The following TMEM131 variants were observed in gnomAD, a reference collection of about 807,000 sequenced individuals.
TMEM131 encodes 2610524E03Rik.
Under a neutral mutation model 211.6 loss-of-function variants are expected in TMEM131, and 66 were observed. The ratio of observed to expected loss-of-function variants is 0.31; its 90% CI spans 0.26 to 0.38. The LOEUF is 0.38. Ranked by LOEUF, TMEM131 falls within the 10% of genes least tolerant of loss-of-function variation. TMEM131 has a pLI of 1.00. For synonymous variants in TMEM131, 844 were observed against 841.3 expected (o/e 1.00, Z -0.06); for missense variants, 2,036 against 2,299.3 (o/e 0.89, Z 2.34).
intron 11 of TMEM131, among the ~76,000 whole-genome samples, chr2:97,832,286 CTATAA>C (rs550309059): frequency 1.3e-4 from 20 of 152,282 alleles, no homozygotes; most frequent in South Asian, 4.1e-4. Context: ...TTTCATTTTC[CTATAA>C]TATGTTTATT....
At chr2:97,898,716 G>C (rs2104322706) in intron 3 of TMEM131, among the ~76,000 whole-genome samples, 2 of 152,246 alleles carry the variant, frequency 1.3e-5, no homozygotes, top group East Asian at 3.9e-4. Flanking sequence ...TGTTATGGCA[G>C]TCTAGCCCAA....
Position 97,885,411 on chromosome 2 carries a change from G to A in TMEM131, c.359+2641C>T, listed in dbSNP as rs562698240. 5.0e-5 allele frequency among the ~76,000 whole-genome samples: 6 copies of A among 120,272 alleles called. No individual in the cohort carries two copies. In the South Asian group the frequency reaches 1.1e-3, roughly 22 times the overall value. 78.9% of individuals were successfully genotyped at this position (120,272 alleles called of 152,430 possible). On this transcript the variant is annotated intron_variant, in intron 4 of 40. Transcript: ENST00000186436. ...GGGTTTCACCATGTTAGCCAGGATGGTCTTGATCTCCTGACCTTGTGATCC... is the reference window on the plus strand; with the variant it reads ...GGGTTTCACCATGTTAGCCAGGATGATCTTGATCTCCTGACCTTGTGATCC...
chr2:97,931,770 C>G (rs1045250757), intron 1 of TMEM131, among the ~76,000 whole-genome samples: 6 of 152,192 alleles, frequency 3.9e-5, no homozygotes, highest in Non-Finnish European at 5.9e-5. Context: ...AAGGGCCACA[C>G]AGGCAGGCCT....
intron 26 of TMEM131, 93 bp from the exon 27 acceptor site, chr2:97,797,079 A>G (rs1680802807): frequency 1.6e-6 from 2 of 1,289,684 alleles, no homozygotes; most frequent in Admixed American, 2.7e-5. Context: ...AGAGCACCAC[A>G]TAGAAATTAA....
At chr2:97,988,558 G>C (rs758673318) in intron 1 of TMEM131, among the ~76,000 whole-genome samples, 13 of 152,110 alleles carry the variant, frequency 8.5e-5, no homozygotes, top group Admixed American at 3.3e-4. Flanking sequence ...AATATATAAG[G>C]AACTCCTATA....
At chr2:97,990,267 A>T (rs1047349283) in intron 1 of TMEM131, among the ~76,000 whole-genome samples, 5 of 152,156 alleles carry the variant, frequency 3.3e-5, no homozygotes, top group Non-Finnish European at 7.3e-5. Flanking sequence ...GTGATTACTT[A>T]AACTGTTAAC....
intron 2 of TMEM131, among the ~76,000 whole-genome samples, chr2:97,912,524 T>A (rs753996548): frequency 6.6e-6 from 1 of 152,184 alleles, no homozygotes; most frequent in Non-Finnish European, 1.5e-5. Flanking sequence ...TCCTACAATG[T>A]TTCAAAGGCA....
chr2:97,952,792 T>C lies in TMEM131; in HGVS notation c.188-25305A>G, dbSNP rs530943903. ...TACTCAGGAGGCTGAGGTGGGAGGATTGCTTGAGCCCAGGAGGTCAAGCTG... is the reference window on the plus strand; with the variant it reads ...TACTCAGGAGGCTGAGGTGGGAGGACTGCTTGAGCCCAGGAGGTCAAGCTG... On this transcript the variant is annotated intron_variant, in intron 1 of 40. Transcript: ENST00000186436. Among the ~76,000 whole-genome samples the C allele has an allele frequency of 3.9e-5, 6 of 152,140 alleles. No individual in the cohort carries two copies. In the East Asian group the frequency reaches 7.7e-4, roughly 20 times the overall value.
intron 4 of TMEM131, among the ~76,000 whole-genome samples, chr2:97,878,454 T>A (rs1273617330): frequency 6.6e-6 from 1 of 152,220 alleles, no homozygotes; most frequent in East Asian, 1.9e-4. Context: ...GCAACTCATA[T>A]GTCCATCAAT....
intron 5 of TMEM131, among the ~76,000 whole-genome samples, chr2:97,848,417 G>A (rs1187284771): frequency 6.6e-6 from 1 of 152,180 alleles, no homozygotes; most frequent in Non-Finnish European, 1.5e-5. Flanking sequence ...TGTGGTTGCT[G>A]AAGTCTCTGC....
intron 1 of TMEM131, among the ~76,000 whole-genome samples, chr2:97,963,561 A>G (rs1678913034): frequency 6.6e-6 from 1 of 152,264 alleles, no homozygotes; most frequent in South Asian, 2.1e-4. Context: ...CTAAAATTAC[A>G]AAAATTAGCT....
At chr2:97,886,241 T>C (rs960070719) in intron 4 of TMEM131, among the ~76,000 whole-genome samples, 1 of 152,194 alleles carries the variant, frequency 6.6e-6, no homozygotes, top group East Asian at 1.9e-4. Context: ...TTTTGAATTC[T>C]TTCTCTAGCA....
intron 3 of TMEM131, among the ~76,000 whole-genome samples, chr2:97,897,994 TGAAG>T (rs933972787): frequency 9.9e-5 from 15 of 152,280 alleles, no homozygotes; most frequent in African/African-American, 3.6e-4. Context: ...AATTTGAGAA[TGAAG>T]GGATTCATAA....
intron 4 of TMEM131, among the ~76,000 whole-genome samples, chr2:97,879,517 A>G (rs965094407): frequency 6.6e-6 from 1 of 152,238 alleles, no homozygotes; most frequent in Admixed American, 6.5e-5. Flanking sequence ...CACAATGTCA[A>G]TAATGGTACT....
rs1184208506 is a variant in TMEM131, at chr2:97,818,463, CG to C, written c.1183+149del. The C allele has an allele frequency of 1.5e-3, 434 of 282,552 alleles. 2 individuals are homozygous for C. The highest frequency in any genetic ancestry group is 4.7e-3 in the East Asian group (113 of 24,028). The allele number at this position is 282,552 out of a possible 1,614,324, so 17.5% of individuals were successfully genotyped here. ...AGTAAGAGTTCATGATGGTTTACAG[CG>C]GGGGGGGGCGGGGGGGGATCAACCT... is the stretch of plus-strand genomic sequence containing the variant. On this transcript the variant is annotated intron_variant, in intron 12 of 40. Coordinates refer to ENST00000186436, the MANE Select transcript of TMEM131 (RefSeq NM_015348.2).
At chr2:97,847,198 T>C (rs892465270) in intron 5 of TMEM131, among the ~76,000 whole-genome samples, 1 of 148,710 alleles carries the variant, frequency 6.7e-6, no homozygotes, top group Admixed American at 6.8e-5. Context: ...AAAAATAAAG[T>C]GCAAAGAAGT....
chr2:97,971,612 A>C (rs1313204001), intron 1 of TMEM131, among the ~76,000 whole-genome samples: 1 of 152,242 alleles, frequency 6.6e-6, no homozygotes, highest in Non-Finnish European at 1.5e-5. Flanking sequence ...TATGTATGAC[A>C]GACAGGCTAT....
At position 97,792,530 on chromosome 2, in the gene TMEM131, G is replaced by C. The variant is rs183353758; in HGVS notation, c.4000C>G (p.Arg1334Gly). 1.2e-6 allele frequency: 2 copies of C among 1,613,504 alleles called. No homozygotes were observed. Among genetic ancestry groups the C allele is most frequent in the Admixed American group, 1.7e-5 (1 of 59,928 alleles). ...GAACTGTGCCTCGCGCTGCTGGCAC[G>C]TTCTGGGTGGGAAGGGTGTGCGAGG... ...APLAHPSHPE[R>G]ASSARHSSED... The change falls in exon 31 of 41, where the codon CGT becomes GGT. Residue 1334 changes from arginine (R) to glycine (G), a missense_variant. By Grantham distance (125) the Arg-to-Gly change is moderately radical. Transcript: ENST00000186436.
Position 97,792,548 on chromosome 2 carries a change from G to A in TMEM131, c.3982C>T (p.His1328Tyr), listed in dbSNP as rs566072329. 8.1e-6 allele frequency: 13 copies of A among 1,613,492 alleles called. No individual in the cohort carries two copies. In the South Asian group the frequency reaches 1.1e-4, roughly 14 times the overall value. The change falls in exon 31 of 41, where the codon CAC (histidine) becomes TAC (tyrosine). Residue 1328 changes from histidine to tyrosine, a missense_variant. This residue lies in a region of TMEM131 where 1,623 missense variants were observed against 1,805.9 expected (regional missense o/e 0.90). Coordinates refer to ENST00000186436, the MANE Select transcript of TMEM131 (RefSeq NM_015348.2). The part of the protein sequence containing the change: ...PERLSPAPLA[H>Y]PSHPERASSA... ...CTGGCACGTTCTGGGTGGGAAGGGT[G>A]TGCGAGGGGGGCGGGAGACAGCCTT...
Sources: allele counts gnomAD v4.1 joint callset (sites outside exome capture counted in the v4.1 genomes callset), GRCh38; gene constraint gnomAD v4.1.1; regional missense constraint gnomAD v4.1.1; transcripts MANE v1.5; gene names NCBI Gene and HGNC (gene_info 2026-07-23, HGNC 2026-07-21).